The following CAPZB variants were observed in gnomAD, a reference collection of about 807,000 sequenced individuals.
CAPZB encodes capping actin protein of muscle Z-line subunit beta.
Under a neutral mutation model 38.1 loss-of-function variants are expected in CAPZB, and 2 were observed. The observed-to-expected ratio is 0.05, with a 90% CI of 0.02 to 0.17. The LOEUF (loss-of-function observed/expected upper bound fraction) is 0.17. CAPZB is among the 10% of genes least tolerant of loss of function. CAPZB has a pLI of 1.00. For missense variants in CAPZB, 161 were observed against 334.2 expected, an observed-to-expected ratio of 0.48 and a Z score of 4.04; for synonymous variants, 107 against 127.4, an observed-to-expected ratio of 0.84 and a Z score of 1.08.
intron 4 of CAPZB, among the ~76,000 whole-genome samples, chr1:19,371,727 T>TC (rs1278152392): frequency 6.6e-6 from 1 of 152,056 alleles, no homozygotes; most frequent in African/African-American, 2.4e-5. Flanking sequence ...CTGGAAAATC[T>TC]CCCCCTACCG....
intron 2 of CAPZB, among the ~76,000 whole-genome samples, chr1:19,403,457 C>T (rs968997599): frequency 6.6e-6 from 1 of 152,132 alleles, no homozygotes; most frequent in Non-Finnish European, 1.5e-5. Context: ...ACGGCATGTA[C>T]AAAGATGCAA....
At chr1:19,398,382 C>T (rs1381441775) in intron 2 of CAPZB, among the ~76,000 whole-genome samples, 3 of 152,180 alleles carry the variant, frequency 2.0e-5, no homozygotes, top group Admixed American at 6.5e-5. Flanking sequence ...AGTCAGAGGG[C>T]GGAGGTCTGG....
intron 2 of CAPZB, among the ~76,000 whole-genome samples, chr1:19,417,120 G>C (rs938333054): frequency 6.6e-6 from 1 of 152,106 alleles, no homozygotes; most frequent in Non-Finnish European, 1.5e-5. Context: ...GGCAGCAAGG[G>C]AGCCAGTTGA....
chr1:19,339,728 C>T (rs2093917684), intron 8 of CAPZB, 111 bp from the exon 9 acceptor site: 4 of 837,228 alleles, frequency 4.8e-6, no homozygotes, highest in Non-Finnish European at 6.2e-6. Flanking sequence ...GGACCCGCTT[C>T]CTGGGGTGAG....
chr1:19,462,606 C>T (rs913499622), intron 1 of CAPZB, among the ~76,000 whole-genome samples: 10 of 152,142 alleles, frequency 6.6e-5, no homozygotes, highest in East Asian at 1.9e-4. Flanking sequence ...ATAGTAGGCA[C>T]GAAGTAAGCG....
chr1:19,418,809 C>T (rs1000357174), intron 2 of CAPZB, among the ~76,000 whole-genome samples: 1 of 152,210 alleles, frequency 6.6e-6, no homozygotes, highest in African/African-American at 2.4e-5. Context: ...TAAATCACTA[C>T]AGCATATGAA....
At chr1:19,440,571 G>A (rs1310605837) in intron 1 of CAPZB, among the ~76,000 whole-genome samples, 2 of 152,196 alleles carry the variant, frequency 1.3e-5, no homozygotes, top group African/African-American at 2.4e-5. Context: ...GTGCTGTGAT[G>A]TTGCTAGGTG....
At position 19,357,459 on chromosome 1, in the gene CAPZB, T is replaced by C. The variant is rs1312359053; in HGVS notation, c.434A>G (p.Lys145Arg). Residue 145 changes from lysine to arginine, a missense_variant, in exon 5 of 9, where the codon AAA becomes AGA. Transcript: ENST00000264202. This position sits in a 1 kb window ranked among gnomAD's most constrained non-coding sequence, Gnocchi z 4.3. ...CACGTGGATGGAATCCCAGCAGCCT[T>C]TGATCTTCTTTGATCCATCTCCAGC... is the stretch of plus-strand genomic sequence containing the variant. ...KKAGDGSKKIKGCWDSIHVVE... is the reference protein window; with the variant it reads ...KKAGDGSKKIRGCWDSIHVVE... The C allele has an allele frequency of 5.6e-6, 9 of 1,614,024 alleles. No individual in the cohort carries two copies. Among genetic ancestry groups the C allele is most frequent in the Non-Finnish European group, 7.6e-6 (9 of 1,180,008 alleles).
At chr1:19,397,967 G>C (rs768033946) in intron 2 of CAPZB, among the ~76,000 whole-genome samples, 4 of 152,262 alleles carry the variant, frequency 2.6e-5, no homozygotes, top group Non-Finnish European at 5.9e-5. Flanking sequence ...GGGGTCTGTG[G>C]GTTGATATTC....
chr1:19,434,079 C>T (rs572568991), intron 1 of CAPZB, among the ~76,000 whole-genome samples: 1 of 152,194 alleles, frequency 6.6e-6, no homozygotes, highest in Non-Finnish European at 1.5e-5. Flanking sequence ...CATAACGTTG[C>T]CCTCTTCCAA....
chr1:19,468,605 T>C (rs1247453094), intron 1 of CAPZB, among the ~76,000 whole-genome samples: 1 of 151,364 alleles, frequency 6.6e-6, no homozygotes, highest in Non-Finnish European at 1.5e-5. Flanking sequence ...GGCAGGAGAG[T>C]GTACTGAAAT....
intron 2 of CAPZB, among the ~76,000 whole-genome samples, chr1:19,398,976 C>A (rs1471191747): frequency 3.3e-5 from 5 of 151,914 alleles, no homozygotes; most frequent in Admixed American, 2.0e-4. Flanking sequence ...CCTGCCTCAG[C>A]CTCCCGAGTA....
Position 19,339,059 on chromosome 1 carries a change from C to T in CAPZB, c.*471G>A. 2 of 144,836 alleles carry T rather than the reference C, an allele frequency of 1.4e-5. No individual in the cohort carries two copies. Among genetic ancestry groups the T allele is most frequent in the Non-Finnish European group, 2.9e-5 (2 of 68,046 alleles). The allele number at this position is 144,836 out of a possible 1,614,324, so 9.0% of individuals were successfully genotyped here. A position where few individuals can be genotyped will look rare whatever the true frequency, so the allele number is the denominator to read the frequency against. ...CTCTGCTCCCAGAGCTGTCCCCTGTCCCCACGACCCCCAACCCCAAGCAAC... is the reference window on the plus strand; with the variant it reads ...CTCTGCTCCCAGAGCTGTCCCCTGTTCCCACGACCCCCAACCCCAAGCAAC... On this transcript the variant is annotated 3_prime_UTR_variant, in exon 9 of 9. Coordinates refer to ENST00000264202, the MANE Select transcript of CAPZB (RefSeq NM_004930.5).
chr1:19,413,478 C>T (rs942502015), intron 2 of CAPZB, among the ~76,000 whole-genome samples: 2 of 152,164 alleles, frequency 1.3e-5, no homozygotes, highest in East Asian at 1.9e-4. Flanking sequence ...GGACCACAGG[C>T]GCATGCCACC....
At chr1:19,388,390 G>A (rs1248688167) in intron 2 of CAPZB, among the ~76,000 whole-genome samples, 3 of 152,200 alleles carry the variant, frequency 2.0e-5, no homozygotes, top group African/African-American at 4.8e-5. Flanking sequence ...AGGAAGGAAA[G>A]AAAGGAGGGA....
intron 1 of CAPZB, among the ~76,000 whole-genome samples, chr1:19,471,033 G>A (rs981668796): frequency 6.6e-6 from 1 of 152,132 alleles, no homozygotes; most frequent in Non-Finnish European, 1.5e-5. Context: ...TGAAACCTTG[G>A]ATAGTACCAA....
intron 2 of CAPZB, among the ~76,000 whole-genome samples, chr1:19,392,528 TAAAAAAA>T (rs58626568): frequency 7.7e-6 from 1 of 129,458 alleles, no homozygotes; most frequent in African/African-American, 2.9e-5. Flanking sequence ...TCTTAAGAAT[TAAAAAAA>T]AAAAAAAAAA....
intron 1 of CAPZB, among the ~76,000 whole-genome samples, chr1:19,467,652 C>A (rs985215207): frequency 6.6e-6 from 1 of 152,204 alleles, no homozygotes; most frequent in African/African-American, 2.4e-5. Context: ...GATATTTAAT[C>A]CATTTTCTTG....
At chr1:19,470,062 A>G (rs773538478) in intron 1 of CAPZB, among the ~76,000 whole-genome samples, 1 of 152,142 alleles carries the variant, frequency 6.6e-6, no homozygotes, top group African/African-American at 2.4e-5. Flanking sequence ...TCTACAAAAA[A>G]TACAAAAATT....
Sources: gnomAD v4.1 joint callset for allele counts (sites outside exome capture counted in the v4.1 genomes callset) on GRCh38, gnomAD v4.1.1 for gene constraint, Gnocchi (gnomAD v3.1) non-coding constraint, MANE v1.5 for transcripts, NCBI Gene and HGNC (gene_info 2026-07-23, HGNC 2026-07-21) for gene names.